Variants in MAF observed in about 807,000 individuals in gnomAD.
The protein encoded by MAF is transcription factor Maf.
MAF carries 10 observed loss-of-function variants against 22.0 expected under a neutral mutation model. That is an observed-to-expected ratio of 0.45 (90% CI 0.28 to 0.77). MAF has a LOEUF of 0.77. Ranked by LOEUF, MAF falls within the 30% of genes least tolerant of loss-of-function variation. MAF has a pLI of 0.12. For missense variants in MAF, 544 were observed against 548.4 expected (o/e 0.99, Z 0.08); for synonymous variants, 337 against 255.8 (o/e 1.32, Z -3.03).
chr16:79,333,297 T>C, the MAF span, among the ~76,000 whole-genome samples: 1 of 152,130 alleles, frequency 6.6e-6, no homozygotes, highest in Admixed American at 6.5e-5. Context: ...CCACCTGAGC[T>C]CAGACTCTGG....
chr16:79,545,500 A>C, the MAF span, among the ~76,000 whole-genome samples: 1 of 149,092 alleles, frequency 6.7e-6, no homozygotes, highest in Non-Finnish European at 1.5e-5. Flanking sequence ...CCCCATGCAG[A>C]ATTCCAGTTT....
the MAF span, among the ~76,000 whole-genome samples, chr16:79,483,363 G>A: frequency 1.4e-5 from 2 of 147,870 alleles, no homozygotes; most frequent in Non-Finnish European, 3.0e-5. Context: ...AGAAGGGACA[G>A]GACAGAATAG....
the MAF span, among the ~76,000 whole-genome samples, chr16:79,350,695 C>T: frequency 6.6e-6 from 1 of 152,282 alleles, no homozygotes; most frequent in South Asian, 2.1e-4. Context: ...TAGAAGAGGC[C>T]TGGGCTGCTG....
the MAF span, among the ~76,000 whole-genome samples, chr16:79,355,632 C>A: frequency 6.6e-6 from 1 of 152,186 alleles, no homozygotes; most frequent in Non-Finnish European, 1.5e-5. Context: ...ACAGTAGGGA[C>A]TCAAATATGA....
At chr16:79,320,181 T>C in the MAF span, among the ~76,000 whole-genome samples, 1 of 152,148 alleles carries the variant, frequency 6.6e-6, no homozygotes. Context: ...TTGGGTACAA[T>C]GGAAACCACT....
At chr16:79,569,649 T>C in the MAF span, among the ~76,000 whole-genome samples, 1 of 152,238 alleles carries the variant, frequency 6.6e-6, no homozygotes. Flanking sequence ...CTTAGAACAG[T>C]GCTTCTTAGC....
the MAF span, among the ~76,000 whole-genome samples, chr16:79,236,609 T>C: frequency 2.6e-5 from 4 of 151,960 alleles, no homozygotes; most frequent in African/African-American, 9.7e-5. Context: ...TCAGGAAATA[T>C]TGTGAAGAAA....
chr16:79,577,925 G>C, the MAF span, among the ~76,000 whole-genome samples: 2 of 152,186 alleles, frequency 1.3e-5, no homozygotes, highest in Non-Finnish European at 2.9e-5. Flanking sequence ...TGCAGAAACT[G>C]AGCTCTGGGT....
the MAF span, among the ~76,000 whole-genome samples, chr16:79,434,032 G>A: frequency 5.3e-5 from 8 of 152,302 alleles, no homozygotes; most frequent in South Asian, 1.7e-3. Flanking sequence ...GCAAGGTAGT[G>A]TGGTAGTGAC....
the MAF span, among the ~76,000 whole-genome samples, chr16:79,361,501 TC>T: frequency 2.0e-5 from 3 of 152,078 alleles, no homozygotes; most frequent in Non-Finnish European, 4.4e-5. Context: ...TTTAGCACTT[TC>T]CCCCGGATTG....
At chr16:79,429,991 C>A in the MAF span, among the ~76,000 whole-genome samples, 1 of 152,142 alleles carries the variant, frequency 6.6e-6, no homozygotes, top group South Asian at 2.1e-4. Flanking sequence ...ATCCTACCGA[C>A]ATCTTCTACC....
the MAF span, among the ~76,000 whole-genome samples, chr16:79,419,283 C>T: frequency 1.3e-5 from 2 of 152,198 alleles, no homozygotes; most frequent in Non-Finnish European, 2.9e-5. Context: ...AAGGAAATGA[C>T]AGAACTCGAC....
At chr16:79,310,163 C>A in the MAF span, among the ~76,000 whole-genome samples, 1 of 152,142 alleles carries the variant, frequency 6.6e-6, no homozygotes, top group African/African-American at 2.4e-5. Context: ...GTCATTGGCA[C>A]AAGGTTCAGC....
At chr16:79,478,677 C>A in the MAF span, among the ~76,000 whole-genome samples, 3 of 152,252 alleles carry the variant, frequency 2.0e-5, no homozygotes, top group East Asian at 1.9e-4. Flanking sequence ...ATGCCAAATG[C>A]CTGCATCTTT....
the MAF span, among the ~76,000 whole-genome samples, chr16:79,355,662 A>C: frequency 6.6e-6 from 1 of 152,156 alleles, no homozygotes; most frequent in South Asian, 2.1e-4. Flanking sequence ...AATCTAAACT[A>C]AAGTTGTTTC....
the MAF span, among the ~76,000 whole-genome samples, chr16:79,377,898 G>A: frequency 6.6e-6 from 1 of 152,152 alleles, no homozygotes; most frequent in East Asian, 1.9e-4. Flanking sequence ...TCTCTGTTTT[G>A]GTACCAGTAC....
At chr16:79,325,530 A>C in the MAF span, among the ~76,000 whole-genome samples, 70 of 152,034 alleles carry the variant, frequency 4.6e-4, no homozygotes, top group Admixed American at 9.2e-4. Context: ...GGGCTGTCTC[A>C]GGAGCCCTGG....
At chr16:79,394,305 G>A in the MAF span, among the ~76,000 whole-genome samples, 1 of 152,142 alleles carries the variant, frequency 6.6e-6, no homozygotes, top group Non-Finnish European at 1.5e-5. Flanking sequence ...GCAGCTAGGA[G>A]TCAGGAATAT....
At position 79,598,852 on chromosome 16, in the gene MAF, A is replaced by C. The variant is rs373128580; in HGVS notation, c.1051T>G (p.Leu351Val). ...TTTTCTCGGAAGCCGCTGCTCACCAACTTCTCGTATTTCTCCTTGTACGCG... is the reference window on the plus strand; with the variant it reads ...TTTTCTCGGAAGCCGCTGCTCACCACCTTCTCGTATTTCTCCTTGTACGCG... ...RDAYKEKYEKLVSSGFRENGS... is the reference protein window; with the variant it reads ...RDAYKEKYEKVVSSGFRENGS... Residue 351 changes from leucine to valine, a missense_variant, in exon 1 of 2, where the codon TTG (leucine) becomes GTG (valine). By Grantham distance (32) the Leu-to-Val change is conservative. Coordinates refer to ENST00000326043, the MANE Select transcript of MAF (RefSeq NM_005360.5). 6 of 1,613,254 alleles carry C rather than the reference A, an allele frequency of 3.7e-6. No individual in the cohort carries two copies. The highest frequency in any genetic ancestry group is 5.1e-6 in the Non-Finnish European group (6 of 1,179,874).
Sources: allele counts gnomAD v4.1 joint callset (sites outside exome capture counted in the v4.1 genomes callset), GRCh38; gene constraint gnomAD v4.1.1; transcripts MANE v1.5; gene names NCBI Gene and HGNC (gene_info 2026-07-23, HGNC 2026-07-21).